Variants in LRRC9 observed in about 807,000 individuals in gnomAD.
LRRC9 encodes leucine-rich repeat-containing protein 9.
LRRC9 carries 122 observed loss-of-function variants against 63.2 expected under a neutral mutation model. The observed-to-expected ratio is 1.93, with a 90% CI of 1.67 to 2.24. The LOEUF (loss-of-function observed/expected upper bound fraction) is 2.24. Ranked by LOEUF, LRRC9 falls within the 30% of genes most tolerant of loss-of-function variation. The probability of loss-of-function intolerance (pLI) is 0.00; values close to 1 mark genes in which losing one functional copy is unlikely to be tolerated. For missense variants in LRRC9, 1,071 were observed against 627.7 expected (o/e 1.71, Z -7.55); for synonymous variants, 366 against 213.1 (o/e 1.72, Z -6.25).
chr14:60,007,406 T>C (rs369807706), intron 22 of LRRC9, among the ~76,000 whole-genome samples: 26 of 152,270 alleles, frequency 1.7e-4, no homozygotes, highest in African/African-American at 5.1e-4. Flanking sequence ...CTCCCCTCCA[T>C]ACCTGCCAAG....
chr14:59,998,728 T>C (rs1005341333), intron 18 of LRRC9, among the ~76,000 whole-genome samples: 7 of 152,222 alleles, frequency 4.6e-5, no homozygotes, highest in East Asian at 3.9e-4. Context: ...CAGCTATCTC[T>C]CTGTTGCCAA....
At chr14:59,965,784 G>A (rs1884776287) in intron 10 of LRRC9, among the ~76,000 whole-genome samples, 1 of 149,796 alleles carries the variant, frequency 6.7e-6, no homozygotes, top group Admixed American at 6.7e-5. Flanking sequence ...TCGGGAAGCT[G>A]AGGCAGGAGA....
rs951036270 is a variant in LRRC9, at chr14:59,990,038, C to T, written c.2211+4814C>T. 2.6e-5 allele frequency among the ~76,000 whole-genome samples: 4 copies of T among 151,926 alleles called. No individual in the cohort carries two copies. The highest frequency in any genetic ancestry group is 9.7e-5 in the African/African-American group (4 of 41,340). The stretch of plus-strand genomic sequence containing the variant: ...CACCTCCTGGATTCAAGTAATTCTC[C>T]TGCCTTGGCCTCCCGACTAGATGGG... On this transcript the variant is annotated intron_variant, in intron 17 of 31. Transcript: ENST00000445360. This position sits in a 1 kb window ranked among gnomAD's most constrained non-coding sequence, Gnocchi z 4.2.
At chr14:59,981,899 A>G in exon 16 of LRRC9, 1 of 702,300 alleles carries the variant, frequency 1.4e-6, no homozygotes, top group Non-Finnish European at 2.6e-6. Context: ...TCTAGAAGAA[A>G]GCAAAAAAAA....
chr14:59,929,632 T>C (rs769617360), intron 3 of LRRC9, among the ~76,000 whole-genome samples: 1 of 152,078 alleles, frequency 6.6e-6, no homozygotes, highest in Non-Finnish European at 1.5e-5. Flanking sequence ...CACGTGTATG[T>C]TCATTACAGC....
intron 17 of LRRC9, among the ~76,000 whole-genome samples, chr14:59,989,882 A>AT (rs970219458): frequency 4.9e-5 from 7 of 143,070 alleles, no homozygotes; most frequent in African/African-American, 1.8e-4. Context: ...TTACTCTGAG[A>AT]TTTTTTTGGC....
At chr14:59,995,646 T>C (rs1221938707) in intron 17 of LRRC9, among the ~76,000 whole-genome samples, 1 of 152,114 alleles carries the variant, frequency 6.6e-6, no homozygotes, top group Admixed American at 6.5e-5. Context: ...ATTTAATGAG[T>C]TCCTGGAATC....
intron 15 of LRRC9, among the ~76,000 whole-genome samples, chr14:59,979,405 T>C (rs1187690527): frequency 6.6e-6 from 1 of 152,068 alleles, no homozygotes; most frequent in East Asian, 1.9e-4. Flanking sequence ...GATCATGAGG[T>C]CAGGGGATCG....
At chr14:59,954,556 T>C (rs994590072) in intron 8 of LRRC9, among the ~76,000 whole-genome samples, 1 of 152,242 alleles carries the variant, frequency 6.6e-6, no homozygotes, top group Non-Finnish European at 1.5e-5. Context: ...TAAGGAGTTT[T>C]GGGCTGAGAA....
chr14:60,012,791 T>G (rs140593375), intron 23 of LRRC9, among the ~76,000 whole-genome samples: 3 of 152,316 alleles, frequency 2.0e-5, no homozygotes, highest in East Asian at 3.8e-4. Flanking sequence ...ACTGACTCTT[T>G]ACAGGAAAAC....
In LRRC9 at chr14:59,922,094, T is replaced by A. The variant is rs528503954; in HGVS notation, c.-34+2211T>A. Among the ~76,000 whole-genome samples the A allele has an allele frequency of 5.7e-3, 839 of 147,768 alleles. 12 individuals carry two copies. The highest frequency in any genetic ancestry group is 0.019 in the African/African-American group (752 of 40,218). On this transcript the variant is annotated intron_variant, in intron 1 of 31. Coordinates refer to ENST00000445360, the Ensembl canonical transcript of LRRC9. The surrounding 1 kb of genome is among the most constrained non-coding windows in gnomAD (Gnocchi z 5.3). Reference sequence around the variant, plus strand: ...GTGAGATTCTGTCTCAAAAAAAAAATAAATAAATAAATAAGAAAGAAAAAA... The same window carrying A: ...GTGAGATTCTGTCTCAAAAAAAAAAAAAATAAATAAATAAGAAAGAAAAAA...
At chr14:59,954,591 C>A (rs560312042) in intron 8 of LRRC9, among the ~76,000 whole-genome samples, 1 of 152,326 alleles carries the variant, frequency 6.6e-6, no homozygotes, top group South Asian at 2.1e-4. Flanking sequence ...AATATACAAT[C>A]ATGTCATCTG....
rs1159659641 is a variant in LRRC9, at chr14:60,053,199, A to C, written c.4125A>C (p.Lys1375Asn). ...ACCTCGCTGAACTACAAGCAAAGAA[A>C]AACTCGGTAATAATTATATTATTTA... The change falls in exon 30 of 32, where the codon AAA (lysine) becomes AAC (asparagine). Residue 1375 changes from lysine (K) to asparagine (N), a missense_variant. By Grantham distance (94) the Lys-to-Asn change is moderately conservative. Transcript: ENST00000445360. This position sits in a 1 kb window ranked among gnomAD's most constrained non-coding sequence, Gnocchi z 4.8. 1 of 698,592 alleles carries C rather than the reference A, an allele frequency of 1.4e-6. No individual in the cohort carries two copies. The highest frequency in any genetic ancestry group is 2.6e-6 in the Non-Finnish European group (1 of 383,054). 43.3% of individuals were successfully genotyped at this position (698,592 alleles called of 1,614,324 possible).
At chr14:60,019,827 T>C (rs541996703) in intron 26 of LRRC9, among the ~76,000 whole-genome samples, 46 of 149,322 alleles carry the variant, frequency 3.1e-4, no homozygotes, top group Non-Finnish European at 5.5e-4. Context: ...TTACACATTT[T>C]TGACAGAACA....
intron 15 of LRRC9, among the ~76,000 whole-genome samples, chr14:59,979,442 C>G (rs1886676380): frequency 6.6e-6 from 1 of 152,038 alleles, no homozygotes; most frequent in South Asian, 2.1e-4. Flanking sequence ...CCATCCCCGT[C>G]TCTACTAAAA....
rs140525122 is a variant in LRRC9, at chr14:60,053,383, T to TCACACACA, written c.4131+209_4131+216dup. Among the ~76,000 whole-genome samples the TCACACACA allele has an allele frequency of 0.026, 2,264 of 85,664 alleles. 29 individuals carry two copies. The highest frequency in any genetic ancestry group is 0.043 in the African/African-American group (1,391 of 32,030). 56.2% of individuals were successfully genotyped at this position (85,664 alleles called of 152,430 possible). ...GATTTGGTGAATAGAGCATGCGTGC[T>TCACACACA]CACACACACACACACACACACACAC... is the stretch of plus-strand genomic sequence containing the variant. On this transcript the variant is annotated intron_variant, in intron 30 of 31. Coordinates refer to ENST00000445360, the Ensembl canonical transcript of LRRC9. The surrounding 1 kb of genome is among the most constrained non-coding windows in gnomAD (Gnocchi z 4.8).
intron 7 of LRRC9, 112 bp from the exon 8 acceptor site, chr14:59,944,477 A>G (rs1442278827): frequency 7.2e-6 from 3 of 417,988 alleles, no homozygotes; most frequent in African/African-American, 4.1e-5. Flanking sequence ...GTAACTAAGC[A>G]TGCAAATCAT....
At position 60,060,016 on chromosome 14, in the gene LRRC9, T is replaced by C. The variant is rs189639373; in HGVS notation, c.4276+1994T>C. On this transcript the variant is annotated intron_variant, in intron 31 of 31. Transcript: ENST00000445360. This position sits in a 1 kb window ranked among gnomAD's most constrained non-coding sequence, Gnocchi z 4.0. ...AGCTTCAAAGGACAGTCTGACTCTC[T>C]TGTTAGGGGCTAGTGCAGCTGGTGA... Among the ~76,000 whole-genome samples, 1 of 152,338 alleles carries C rather than the reference T, an allele frequency of 6.6e-6. No homozygotes were observed. The highest frequency in any genetic ancestry group is 2.4e-5 in the African/African-American group (1 of 41,582).
chr14:59,931,389 C>T (rs1889690125), intron 4 of LRRC9, among the ~76,000 whole-genome samples: 1 of 151,994 alleles, frequency 6.6e-6, no homozygotes, highest in Admixed American at 6.6e-5. Context: ...TCCTCCTACT[C>T]CTCCTTTTTT....
Sources: allele counts gnomAD v4.1 joint callset (sites outside exome capture counted in the v4.1 genomes callset), GRCh38; gene constraint gnomAD v4.1.1; non-coding constraint Gnocchi (gnomAD v3.1); transcripts MANE v1.5; gene names NCBI Gene and HGNC (gene_info 2026-07-23, HGNC 2026-07-21).